Variants in GPATCH8 observed in about 807,000 individuals in gnomAD.
GPATCH8 encodes G-patch domain containing 8, also known as G patch domain-containing protein 8.
Under a neutral mutation model 118.3 loss-of-function variants are expected in GPATCH8, and 18 were observed. The observed-to-expected ratio is 0.15, with a 90% confidence interval of 0.11 to 0.23. The LOEUF (loss-of-function observed/expected upper bound fraction) is 0.23. Ranked by LOEUF, GPATCH8 falls within the 10% of genes least tolerant of loss-of-function variation. GPATCH8 has a pLI of 1.00. For missense variants in GPATCH8, 1,631 were observed against 1,873.8 expected (o/e 0.87, Z 2.39); for synonymous variants, 659 against 684.7 (o/e 0.96, Z 0.59).
intron 1 of GPATCH8, among the ~76,000 whole-genome samples, chr17:44,485,593 CTAA>C (rs1968717498): frequency 6.6e-6 from 1 of 152,118 alleles, no homozygotes; most frequent in African/African-American, 2.4e-5. Flanking sequence ...CGCCCAGCCT[CTAA>C]TAAAGTTTTT....
chr17:44,423,641 GA>G (rs2049991754), intron 6 of GPATCH8, among the ~76,000 whole-genome samples: 1 of 152,142 alleles, frequency 6.6e-6, no homozygotes, highest in African/African-American at 2.4e-5. Context: ...TAACAAGCCA[GA>G]ACTGTCCTAT....
intron 1 of GPATCH8, among the ~76,000 whole-genome samples, chr17:44,488,223 C>CTTT (rs927607960): frequency 1.5e-4 from 15 of 101,364 alleles, no homozygotes; most frequent in African/African-American, 1.9e-4. Context: ...GTGCCTGACC[C>CTTT]TTTTTTTTTT....
At chr17:44,412,981 C>T (rs1057207716) in intron 6 of GPATCH8, among the ~76,000 whole-genome samples, 2 of 152,066 alleles carry the variant, frequency 1.3e-5, no homozygotes, top group African/African-American at 4.8e-5. Flanking sequence ...GATGAGATCA[C>T]CCAAGAAGAT....
chr17:44,435,009 C>T, intron 5 of GPATCH8, 56 bp downstream of exon 5: 2 of 827,414 alleles, frequency 2.4e-6, no homozygotes, highest in Admixed American at 1.7e-5. Context: ...AATTTGAGTT[C>T]TTTCTTATTC....
At chr17:44,415,721 GACT>G (rs2049651334) in intron 6 of GPATCH8, among the ~76,000 whole-genome samples, 1 of 152,126 alleles carries the variant, frequency 6.6e-6, no homozygotes, top group Admixed American at 6.5e-5. Context: ...TAACTTTTCT[GACT>G]ACAATAGAAC....
chr17:44,437,890 T>TA (rs1186039720), intron 3 of GPATCH8, among the ~76,000 whole-genome samples: 1 of 115,918 alleles, frequency 8.6e-6, no homozygotes, highest in Non-Finnish European at 1.8e-5. Flanking sequence ...ATTATCACAG[T>TA]AAAAAAACAA....
chr17:44,459,169 G>C lies in GPATCH8; in HGVS notation c.193+5303C>G, dbSNP rs182822713. Among the ~76,000 whole-genome samples the C allele has an allele frequency of 1.7e-4, 26 of 152,244 alleles. No individual in the cohort carries two copies. In the East Asian group the frequency reaches 4.8e-3, roughly 28 times the overall value. ...AACAGACACCAAAATTAGGGATTTA[G>C]GGGCTCTAAAACACATCTAACATCA... On this transcript the variant is annotated intron_variant, in intron 3 of 7. Transcript: ENST00000591680.
chr17:44,434,970 C>T, intron 5 of GPATCH8, 95 bp downstream of exon 5: 1 of 753,170 alleles, frequency 1.3e-6, no homozygotes, highest in Non-Finnish European at 2.5e-6. Context: ...CAAACAAATG[C>T]TGTTAGCAAC....
At position 44,395,393 on chromosome 17, in the gene GPATCH8, T is replaced by G. The variant is rs745765168; in HGVS notation, c.*2175A>C. 10 of 453,082 alleles carry G rather than the reference T, an allele frequency of 2.2e-5. No homozygotes were observed. The highest frequency in any genetic ancestry group is 4.4e-5 in the Non-Finnish European group (10 of 226,434). 28.1% of individuals were successfully genotyped at this position (453,082 alleles called of 1,614,324 possible). A position where few individuals can be genotyped will look rare whatever the true frequency, so the allele number is the denominator to read the frequency against. On this transcript the variant is annotated 3_prime_UTR_variant, in exon 8 of 8. Coordinates refer to ENST00000591680, the MANE Select transcript of GPATCH8 (RefSeq NM_001002909.4). ...AATCTGTTATGCTTGTAAGTAAGGT[T>G]TATTTTTATTTTTACTTTTAAAATC...
At chr17:44,442,224 A>C (rs528390167) in intron 3 of GPATCH8, among the ~76,000 whole-genome samples, 22 of 148,870 alleles carry the variant, frequency 1.5e-4, no homozygotes, top group African/African-American at 4.4e-4. Flanking sequence ...AAAAAAAAAA[A>C]AAAACACCAC....
At chr17:44,470,002 T>C (rs1213132634) in intron 2 of GPATCH8, among the ~76,000 whole-genome samples, 1 of 152,190 alleles carries the variant, frequency 6.6e-6, no homozygotes, top group Non-Finnish European at 1.5e-5. Context: ...CATCAGCAAC[T>C]GGAGTTTGAA....
At chr17:44,442,774 T>G (rs2050746571) in intron 3 of GPATCH8, among the ~76,000 whole-genome samples, 1 of 152,156 alleles carries the variant, frequency 6.6e-6, no homozygotes, top group Admixed American at 6.5e-5. Flanking sequence ...TAAAATCCAC[T>G]TTCAAAAGAC....
intron 2 of GPATCH8, among the ~76,000 whole-genome samples, chr17:44,466,741 T>C (rs1046342696): frequency 2.6e-5 from 4 of 152,180 alleles, no homozygotes; most frequent in Non-Finnish European, 5.9e-5. Flanking sequence ...AAATCCTTAT[T>C]TCATATCATA....
chr17:44,401,152 G>A lies in GPATCH8; in HGVS notation c.925C>T (p.Pro309Ser). Reference sequence around the variant, plus strand: ...GATGCTATTGATTCGAGTTTGACAGGAGCCTTTTTGGCAAAAGAAAATGAC... The same window carrying A: ...GATGCTATTGATTCGAGTTTGACAGAAGCCTTTTTGGCAAAAGAAAATGAC... Reference protein sequence around the residue: ...GVSFSFAKKAPVKLESIASVF... With the variant: ...GVSFSFAKKASVKLESIASVF... The change falls in exon 8 of 8, where the codon CCT (proline) becomes TCT (serine). Residue 309 changes from proline (P) to serine (S), a missense_variant. Physicochemically the swap from Pro to Ser is moderately conservative, Grantham distance 74 (BLOSUM62 -1). Around this residue, in one of 8 missense-constraint regions of GPATCH8, gnomAD observed 405 missense variants for 462.7 expected, o/e 0.88. Transcript: ENST00000591680. The A allele has an allele frequency of 1.9e-6, 3 of 1,614,090 alleles. No individual in the cohort carries two copies. The highest frequency in any genetic ancestry group is 2.5e-6 in the Non-Finnish European group (3 of 1,179,990).
chr17:44,461,716 CAG>C (rs762185655), intron 3 of GPATCH8, among the ~76,000 whole-genome samples: 13 of 150,852 alleles, frequency 8.6e-5, no homozygotes, highest in East Asian at 2.0e-4. Flanking sequence ...GTGTGTGAGA[CAG>C]AGTCTCACTC....
chr17:44,437,005 C>T (rs1172510929), intron 3 of GPATCH8, among the ~76,000 whole-genome samples: 1 of 151,988 alleles, frequency 6.6e-6, no homozygotes, highest in Non-Finnish European at 1.5e-5. Context: ...AAACATGATG[C>T]AGTAAAACTT....
chr17:44,397,426 C>G lies in GPATCH8; in HGVS notation c.*142G>C. On this transcript the variant is annotated 3_prime_UTR_variant, in exon 8 of 8. Coordinates refer to ENST00000591680, the MANE Select transcript of GPATCH8 (RefSeq NM_001002909.4). The stretch of plus-strand genomic sequence containing the variant: ...AAGCAAACTTCAAATCTAAACCCAC[C>G]CCTGCAAGCCAAAACTCAATTCTTT... The G allele has an allele frequency of 1.4e-6, 1 of 717,142 alleles. No individual in the cohort carries two copies. Among genetic ancestry groups the G allele is most frequent in the Admixed American group, 2.0e-5 (1 of 50,066 alleles). 44.4% of individuals were successfully genotyped at this position (717,142 alleles called of 1,614,324 possible).
intron 5 of GPATCH8, among the ~76,000 whole-genome samples, chr17:44,432,493 C>A (rs1238838180): frequency 6.6e-6 from 1 of 152,014 alleles, no homozygotes; most frequent in African/African-American, 2.4e-5. Context: ...TCTGAGGGCC[C>A]AGTGAGGTTG....
At chr17:44,462,764 C>T (rs920998874) in intron 3 of GPATCH8, among the ~76,000 whole-genome samples, 1 of 151,946 alleles carries the variant, frequency 6.6e-6, no homozygotes, top group Non-Finnish European at 1.5e-5. Flanking sequence ...GGGCGGATCA[C>T]GAGATCAGGA....
Sources: gnomAD v4.1 joint callset for allele counts (sites outside exome capture counted in the v4.1 genomes callset) on GRCh38, gnomAD v4.1.1 for gene constraint, gnomAD v4.1.1 regional missense constraint, MANE v1.5 for transcripts, NCBI Gene and HGNC (gene_info 2026-07-23, HGNC 2026-07-21) for gene names.